Variants in LGI2 observed in about 807,000 individuals in gnomAD.
LGI2 encodes the protein leucine rich repeat LGI family member 2, also known as leucine-rich repeat LGI family member 2.
A neutral mutation model predicts 52.0 loss-of-function variants in LGI2; 30 were observed. The observed-to-expected ratio is 0.58, with a 90% CI of 0.43 to 0.78. The LOEUF is 0.78. Ranked by LOEUF, LGI2 falls within the 30% of genes least tolerant of loss-of-function variation. LGI2 has a pLI of 0.00. For missense variants in LGI2, 573 were observed against 692.5 expected, an observed-to-expected ratio of 0.83 and a Z score of 1.94; for synonymous variants, 270 against 271.8, an observed-to-expected ratio of 0.99 and a Z score of 0.06.
At chr4:25,026,990 T>C (rs1726172340) in intron 2 of LGI2, 51 bp from the exon 3 acceptor site, 1 of 1,354,624 alleles carries the variant, frequency 7.4e-7, no homozygotes, top group South Asian at 1.2e-5. Context: ...TTGAGTCACA[T>C]GGTAAAGCCA....
At chr4:25,015,689 T>C (rs763472382) in intron 6 of LGI2, among the ~76,000 whole-genome samples, 1 of 152,212 alleles carries the variant, frequency 6.6e-6, no homozygotes, top group Non-Finnish European at 1.5e-5. Context: ...TTTCCCTCCA[T>C]CCTCATTTGT....
intron 6 of LGI2, among the ~76,000 whole-genome samples, chr4:25,015,996 A>T (rs561493953): frequency 6.6e-6 from 1 of 152,174 alleles, no homozygotes; most frequent in Non-Finnish European, 1.5e-5. Context: ...CTGACTTTCT[A>T]AAGTTTAGTA....
At chr4:25,006,333 C>T (rs1299201046) in intron 7 of LGI2, among the ~76,000 whole-genome samples, 2 of 152,140 alleles carry the variant, frequency 1.3e-5, no homozygotes, top group Admixed American at 6.5e-5. Context: ...ACCACTGATC[C>T]TCCATCTAGA....
chr4:25,011,158 G>C (rs1299254178), intron 7 of LGI2, among the ~76,000 whole-genome samples: 1 of 151,988 alleles, frequency 6.6e-6, no homozygotes, highest in Admixed American at 6.5e-5. Context: ...CTACCAGAGA[G>C]GAGGAGAAAA....
intron 6 of LGI2, among the ~76,000 whole-genome samples, chr4:25,014,665 C>A (rs959999239): frequency 2.6e-5 from 4 of 151,806 alleles, no homozygotes; most frequent in African/African-American, 9.7e-5. Flanking sequence ...CTTCTCTTTA[C>A]TAAAAATTAA....
intron 4 of LGI2, among the ~76,000 whole-genome samples, chr4:25,023,059 A>ATGTTGT: frequency 8.8e-6 from 1 of 113,786 alleles, no homozygotes; most frequent in Non-Finnish European, 1.7e-5. Context: ...GGAAGGAATT[A>ATGTTGT]TGTTGATGTT....
downstream of LGI2, among the ~76,000 whole-genome samples, chr4:24,996,806 C>A (rs539063116): frequency 6.6e-6 from 1 of 152,210 alleles, no homozygotes; most frequent in Non-Finnish European, 1.5e-5. Flanking sequence ...CCTTCCACAA[C>A]AATTGTTTCT....
chr4:25,026,971 A>G (rs1441479609), intron 2 of LGI2, 32 bp from the exon 3 acceptor site: 1 of 1,530,538 alleles, frequency 6.5e-7, no homozygotes, highest in Non-Finnish European at 9.1e-7. Context: ...CAATGGAGAG[A>G]TGTAAAACTT....
At chr4:24,996,495 A>G (rs775886929), downstream of LGI2, among the ~76,000 whole-genome samples, 6 of 152,222 alleles carry the variant, frequency 3.9e-5, no homozygotes, top group Non-Finnish European at 8.8e-5. Context: ...ATTCTTTGAC[A>G]GGTTAAGAGA....
At chr4:25,019,389 GA>G in intron 4 of LGI2, 151 bp from the exon 5 acceptor site, 1 of 571,672 alleles carries the variant, frequency 1.7e-6, no homozygotes, top group Non-Finnish European at 3.1e-6. Flanking sequence ...TATAACATAA[GA>G]GATGCTGGAT....
At chr4:24,996,748 G>T (rs572898021), downstream of LGI2, among the ~76,000 whole-genome samples, 53 of 152,306 alleles carry the variant, frequency 3.5e-4, no homozygotes, top group African/African-American at 1.2e-3. Context: ...TCATTTCTGT[G>T]GGTGATGGAT....
In LGI2 at chr4:25,003,768, C is replaced by G. The variant is rs749133329; in HGVS notation, c.1321G>C (p.Gly441Arg). The G allele has an allele frequency of 6.2e-7, 1 of 1,614,152 alleles. No homozygotes were observed. Among genetic ancestry groups the G allele is most frequent in the Non-Finnish European group, 8.5e-7 (1 of 1,180,036 alleles). The change falls in exon 8 of 8, where the codon GGG (glycine) becomes CGG (arginine). Residue 441 changes from glycine to arginine, a missense_variant. Physicochemically the swap from Gly to Arg is moderately radical, Grantham distance 125. Coordinates refer to ENST00000382114, the MANE Select transcript of LGI2 (RefSeq NM_018176.4). ...TLYLSLTRFI[G>R]DSRVMRWNSK... is the part of the protein sequence containing the mutation. ...TTCCACCTCATGACCCGGGAGTCCC[C>G]GATGAAGCGGGTAAGGGAAAGGTAG... is the stretch of plus-strand genomic sequence containing the variant.
chr4:25,002,661 T>C lies in LGI2; in HGVS notation c.*790A>G, dbSNP rs16876560. ...ACCCACAAACTCAACGGGTGGGTTC[T>C]GAGAAGCAGATGAGCCATGAAGAGC... On this transcript the variant is annotated 3_prime_UTR_variant, in exon 8 of 8. Coordinates refer to ENST00000382114, the MANE Select transcript of LGI2 (RefSeq NM_018176.4). The C allele has an allele frequency of 0.075, 11,489 of 152,728 alleles. 633 individuals are homozygous for C. Among genetic ancestry groups the C allele is most frequent in the African/African-American group, 0.15 (6,098 of 41,538 alleles). 9.5% of individuals were successfully genotyped at this position (152,728 alleles called of 1,614,324 possible).
intron 7 of LGI2, among the ~76,000 whole-genome samples, chr4:25,005,295 T>C (rs985473151): frequency 6.6e-6 from 1 of 152,226 alleles, no homozygotes; most frequent in African/African-American, 2.4e-5. Flanking sequence ...GCTATGTGTA[T>C]GTTGCCACAA....
At chr4:25,026,100 A>G (rs1038260509) in intron 3 of LGI2, among the ~76,000 whole-genome samples, 2 of 151,832 alleles carry the variant, frequency 1.3e-5, no homozygotes, top group African/African-American at 4.8e-5. Context: ...GCTTTCTTAT[A>G]TCTAGGATGT....
intron 5 of LGI2, 63 bp downstream of exon 5, chr4:25,019,104 T>C (rs1305851163): frequency 4.0e-6 from 4 of 1,012,410 alleles, no homozygotes; most frequent in Non-Finnish European, 6.3e-6. Flanking sequence ...CGAGAGGGGA[T>C]TGAAAGACAT....
chr4:25,004,349 G>A lies in LGI2; in HGVS notation c.821-81C>T. ...TCCGCTTGTACTCTTATACACTGCT[G>A]GTGGGAGTGTGAAATGGCACAGCCA... On this transcript the variant is annotated intron_variant, in intron 7 of 7. Transcript: ENST00000382114. This position sits in a 1 kb window ranked among gnomAD's most constrained non-coding sequence, Gnocchi z 4.6. 1 of 1,241,724 alleles carries A rather than the reference G, an allele frequency of 8.1e-7. No individual in the cohort carries two copies. Among genetic ancestry groups the A allele is most frequent in the Non-Finnish European group, 1.1e-6 (1 of 894,058 alleles). 76.9% of individuals were successfully genotyped at this position (1,241,724 alleles called of 1,614,324 possible).
chr4:25,023,582 G>A (rs984524288), intron 4 of LGI2, among the ~76,000 whole-genome samples: 3 of 152,140 alleles, frequency 2.0e-5, no homozygotes, highest in African/African-American at 7.2e-5. Flanking sequence ...TGATGTGAAT[G>A]GTTTCCTCAT....
At chr4:25,009,180 C>T (rs921555265) in intron 7 of LGI2, among the ~76,000 whole-genome samples, 3 of 152,214 alleles carry the variant, frequency 2.0e-5, no homozygotes, top group Non-Finnish European at 4.4e-5. Flanking sequence ...TTCCTAGGAC[C>T]TGTGAGACTC....
Sources: allele counts gnomAD v4.1 joint callset (sites outside exome capture counted in the v4.1 genomes callset), GRCh38; gene constraint gnomAD v4.1.1; non-coding constraint Gnocchi (gnomAD v3.1); transcripts MANE v1.5; gene names NCBI Gene and HGNC (gene_info 2026-07-23, HGNC 2026-07-21).